Variants in CLIC5 observed in about 807,000 individuals in gnomAD.
CLIC5 encodes CLIC family member 5, also known as chloride intracellular channel protein 5.
CLIC5 carries 20 observed loss-of-function variants against 24.7 expected under a neutral mutation model. The observed-to-expected ratio is 0.81, with a 90% CI of 0.57 to 1.18. CLIC5 has a LOEUF of 1.18. Among genes scored for constraint, CLIC5 ranks in the 50% most tolerant of loss-of-function variants. The pLI, the probability that CLIC5 is intolerant of heterozygous loss-of-function variation, is 0.00. For missense variants in CLIC5, 341 were observed against 326.1 expected, an observed-to-expected ratio of 1.05 and a Z score of -0.35; for synonymous variants, 159 against 135.6, an observed-to-expected ratio of 1.17 and a Z score of -1.20.
intron 1 of CLIC5, among the ~76,000 whole-genome samples, chr6:46,036,545 C>T (rs1041031583): frequency 2.6e-5 from 4 of 151,376 alleles, no homozygotes; most frequent in Admixed American, 6.6e-5. Flanking sequence ...CTCCTGACCT[C>T]GTGTTCCGCC....
chr6:46,004,975 A>G (rs1766497744), intron 1 of CLIC5, among the ~76,000 whole-genome samples: 1 of 152,208 alleles, frequency 6.6e-6, no homozygotes, highest in South Asian at 2.1e-4. Context: ...AAATGTGTAA[A>G]TGAATAAAAG....
chr6:46,125,693 C>G, the CLIC5 span, among the ~76,000 whole-genome samples: 2 of 152,096 alleles, frequency 1.3e-5, no homozygotes, highest in Non-Finnish European at 2.9e-5. Flanking sequence ...CTTGGACCCA[C>G]GTGCTCAATG....
At chr6:46,111,776 A>C in the CLIC5 span, among the ~76,000 whole-genome samples, 23 of 152,294 alleles carry the variant, frequency 1.5e-4, no homozygotes, top group Non-Finnish European at 2.6e-4. Flanking sequence ...CACAATTCCC[A>C]TGTGTCATGA....
Position 46,042,683 on chromosome 6 carries a change from A to G in CLIC5, c.540+37020T>C, listed in dbSNP as rs1359817997. On this transcript the variant is annotated intron_variant, in intron 1 of 5. Coordinates refer to the CLIC5 transcript ENST00000185206. ...GGGAAGTAGATACATCAGCAACAAA[A>G]CACAGACTATGTGTTTAAACAAAAC... Among the ~76,000 whole-genome samples the G allele has an allele frequency of 2.0e-5, 3 of 152,230 alleles. No individual in the cohort carries two copies. The East Asian group carries it at 5.8e-4, about 29-fold the overall frequency.
rs544949003 is a variant in CLIC5 at position 45,913,678 on chromosome 6, T to A, written c.588+550A>T. 1.5e-5 allele frequency: 11 copies of A among 729,862 alleles called. No homozygotes were observed. The African/African-American group carries it at 1.6e-4, about 11-fold the overall frequency. 45.2% of individuals were successfully genotyped at this position (729,862 alleles called of 1,614,324 possible). A position where few individuals can be genotyped will look rare whatever the true frequency, so the allele number is the denominator to read the frequency against. On this transcript the variant is annotated intron_variant, in intron 5 of 5. Transcript: ENST00000339561. ...TATAGGAGAGGATGACACTACATGC[T>A]GCAAATGGTTAGTAAGTGCAATGAT...
Position 46,015,837 on chromosome 6 carries a change from G to A in CLIC5, c.-295C>T. On this transcript the variant is annotated 5_prime_UTR_variant, in exon 1 of 6. Coordinates refer to ENST00000339561, the MANE Select transcript of CLIC5 (RefSeq NM_016929.5). ...AACAAGTGCCGGGCTGCCCGGAGGT[G>A]TCACAGGATCCGCGACTGTCAGCGA... 1 of 1,139,066 alleles carries A rather than the reference G, an allele frequency of 8.8e-7. No homozygotes were observed. Among genetic ancestry groups the A allele is most frequent in the Non-Finnish European group, 1.1e-6 (1 of 928,232 alleles). The allele number at this position is 1,139,066 out of a possible 1,614,324, so 70.6% of individuals were successfully genotyped here. A position where few individuals can be genotyped will look rare whatever the true frequency, so the allele number is the denominator to read the frequency against.
At chr6:45,904,334 C>T (rs1212606999) in intron 5 of CLIC5, among the ~76,000 whole-genome samples, 1 of 151,918 alleles carries the variant, frequency 6.6e-6, no homozygotes, top group East Asian at 1.9e-4. Flanking sequence ...AGCTTGTACC[C>T]ATTTGCATGC....
the CLIC5 span, among the ~76,000 whole-genome samples, chr6:46,126,105 G>A: frequency 6.6e-6 from 1 of 151,818 alleles, no homozygotes; most frequent in African/African-American, 2.4e-5. Context: ...CTTCCATTTG[G>A]GACAAACCAA....
intron 1 of CLIC5, among the ~76,000 whole-genome samples, chr6:46,058,572 T>C (rs1768326173): frequency 6.6e-6 from 1 of 152,240 alleles, no homozygotes; most frequent in Non-Finnish European, 1.5e-5. Context: ...AGACAATGTC[T>C]GGAATATGTG....
the CLIC5 span, among the ~76,000 whole-genome samples, chr6:46,091,811 A>G: frequency 2.0e-5 from 3 of 152,362 alleles, no homozygotes; most frequent in African/African-American, 4.8e-5. Flanking sequence ...TAATGCCTCA[A>G]TAAGCATGAG....
chr6:45,986,035 G>C (rs1008835181), intron 1 of CLIC5, among the ~76,000 whole-genome samples: 1 of 152,100 alleles, frequency 6.6e-6, no homozygotes, highest in African/African-American at 2.4e-5. Flanking sequence ...GCTCTGTCTT[G>C]CCTGCCACAA....
chr6:46,080,456 A>G (rs1262705100), upstream of CLIC5: 2 of 549,010 alleles, frequency 3.6e-6, no homozygotes, highest in Admixed American at 3.1e-5. Flanking sequence ...TAAAGCTTAC[A>G]CACTCAGTTA....
exon 1 of CLIC5, chr6:46,080,120 C>A (rs748236960): frequency 6.4e-7 from 1 of 1,551,686 alleles, no homozygotes. Flanking sequence ...CATTTTCTGG[C>A]CTTAAGTACT....
intron 4 of CLIC5, among the ~76,000 whole-genome samples, chr6:45,922,110 G>C (rs754901183): frequency 6.6e-6 from 1 of 152,250 alleles, no homozygotes; most frequent in Non-Finnish European, 1.5e-5. Flanking sequence ...GCTACAGAGA[G>C]TGTGCAGCAC....
intron 1 of CLIC5, among the ~76,000 whole-genome samples, chr6:46,077,499 T>A (rs140761387): frequency 8.6e-5 from 13 of 151,742 alleles, no homozygotes; most frequent in African/African-American, 2.9e-4. Context: ...GCCTGAGAGG[T>A]CACACTCACA....
At chr6:45,983,772 C>A (rs1052069606) in intron 1 of CLIC5, among the ~76,000 whole-genome samples, 2 of 152,208 alleles carry the variant, frequency 1.3e-5, no homozygotes, top group Non-Finnish European at 2.9e-5. Context: ...GCCTTCGGGC[C>A]TGAAATATAA....
chr6:45,930,828 A>C (rs573043296), intron 4 of CLIC5, among the ~76,000 whole-genome samples: 7 of 152,344 alleles, frequency 4.6e-5, no homozygotes, highest in African/African-American at 1.4e-4. Flanking sequence ...AACATGACAA[A>C]TCTTCAAGAG....
At position 45,903,074 on chromosome 6, in the gene CLIC5, C is replaced by T; in HGVS notation, c.*14G>A. 6.2e-7 allele frequency: 1 copy of T among 1,613,806 alleles called. No homozygotes were observed. Among genetic ancestry groups the T allele is most frequent in the Non-Finnish European group, 8.5e-7 (1 of 1,179,908 alleles). On this transcript the variant is annotated 3_prime_UTR_variant, in exon 6 of 6. Transcript: ENST00000339561. ...GAGTCCTTCTGCAGCGGGGATGGGG[C>T]AAAATGGCTGTGCTCAGGATCGGCT... is the stretch of plus-strand genomic sequence containing the variant.
chr6:46,042,186 T>C (rs1767825393), intron 1 of CLIC5, among the ~76,000 whole-genome samples: 1 of 152,234 alleles, frequency 6.6e-6, no homozygotes, highest in Non-Finnish European at 1.5e-5. Context: ...AATTAAAATA[T>C]TGAATTAATA....
Sources: gnomAD v4.1 joint callset for allele counts (sites outside exome capture counted in the v4.1 genomes callset) on GRCh38, gnomAD v4.1.1 for gene constraint, MANE v1.5 for transcripts, NCBI Gene and HGNC (gene_info 2026-07-23, HGNC 2026-07-21) for gene names.